The following ZNF440 variants were observed in gnomAD, a reference collection of about 807,000 sequenced individuals.
The protein encoded by ZNF440 is zinc finger protein 440.
In ZNF440, 47 loss-of-function variants were observed where a neutral mutation model predicts 49.7. The observed-to-expected ratio is 0.95, with a 90% CI of 0.75 to 1.21. The LOEUF is 1.21. ZNF440 is among the 50% of genes most tolerant of loss of function. The pLI, the probability that ZNF440 is intolerant of heterozygous loss-of-function variation, is 0.00. For missense variants in ZNF440, 703 were observed against 715.0 expected, an observed-to-expected ratio of 0.98 and a Z score of 0.19; for synonymous variants, 255 against 237.7, an observed-to-expected ratio of 1.07 and a Z score of -0.67.
intron 1 of ZNF440, among the ~76,000 whole-genome samples, chr19:11,823,941 A>C (rs978318104): frequency 1.3e-5 from 2 of 152,112 alleles, no homozygotes; most frequent in Non-Finnish European, 2.9e-5. Context: ...CAGCCTGGGC[A>C]ACAAGAGTGA....
At chr19:11,814,474 C>G in intron 1 of ZNF440, 24 bp downstream of exon 1, 1 of 1,511,160 alleles carries the variant, frequency 6.6e-7, no homozygotes, top group South Asian at 1.3e-5. Flanking sequence ...GGCTGGCGTC[C>G]GGGCGACTGG....
intron 1 of ZNF440, among the ~76,000 whole-genome samples, chr19:11,824,040 C>T (rs1449929868): frequency 1.3e-5 from 2 of 151,472 alleles, no homozygotes; most frequent in Non-Finnish European, 1.5e-5. Context: ...AAAATTACCT[C>T]GTCATTGTGA....
rs1975986312 is a variant in ZNF440, at chr19:11,833,936, C to G, written c.*972C>G. On this transcript the variant is annotated 3_prime_UTR_variant, in exon 4 of 4. Transcript: ENST00000304060. ...TAACTGTATACTAACAAATGATATT[C>G]TTTTTAAATAAGAAGCTATAATATC... 3.5e-6 allele frequency: 1 copy of G among 285,858 alleles called. No individual in the cohort carries two copies. The highest frequency in any genetic ancestry group is 6.8e-6 in the Non-Finnish European group (1 of 147,132). 17.7% of individuals were successfully genotyped at this position (285,858 alleles called of 1,614,324 possible).
intron 1 of ZNF440, among the ~76,000 whole-genome samples, chr19:11,823,671 T>C (rs1352363109): frequency 6.6e-6 from 1 of 151,978 alleles, no homozygotes; most frequent in Non-Finnish European, 1.5e-5. Context: ...TTAGTTTTAA[T>C]AGAAATTAGT....
intron 1 of ZNF440, among the ~76,000 whole-genome samples, chr19:11,822,460 A>T (rs535905604): frequency 6.6e-6 from 1 of 152,346 alleles, no homozygotes; most frequent in East Asian, 1.9e-4. Context: ...ATTCTCCTGT[A>T]GATAACCATT....
chr19:11,815,998 G>A (rs544483424), intron 1 of ZNF440: 1 of 152,504 alleles, frequency 6.6e-6, no homozygotes, highest in South Asian at 2.1e-4. Flanking sequence ...TTTATTAGGA[G>A]CCGAATAGGA....
Position 11,833,752 on chromosome 19 carries a change from A to C in ZNF440, c.*788A>C, listed in dbSNP as rs1896287969. ...GGAGAGAAGCCCTATGAATATAAGCAATGTGGGAAAGCCTTCAGATCAGCC... is the reference window on the plus strand; with the variant it reads ...GGAGAGAAGCCCTATGAATATAAGCCATGTGGGAAAGCCTTCAGATCAGCC... On this transcript the variant is annotated 3_prime_UTR_variant, in exon 4 of 4. Coordinates refer to ENST00000304060, the MANE Select transcript of ZNF440 (RefSeq NM_152357.3). 1 of 815,452 alleles carries C rather than the reference A, an allele frequency of 1.2e-6. No individual in the cohort carries two copies. Among genetic ancestry groups the C allele is most frequent in the Non-Finnish European group, 1.8e-6 (1 of 548,386 alleles). The allele number at this position is 815,452 out of a possible 1,614,324, so 50.5% of individuals were successfully genotyped here.
rs149926365 is a variant in ZNF440, at chr19:11,814,875, A to G, written c.3+425A>G. Reference sequence around the variant, plus strand: ...AAGAGCACAGCGAGCGGGGTAGGGCAGGGGTTTTTCTCCTTAACGCAGTTT... The same window carrying G: ...AAGAGCACAGCGAGCGGGGTAGGGCGGGGGTTTTTCTCCTTAACGCAGTTT... On this transcript the variant is annotated intron_variant, in intron 1 of 3. Transcript: ENST00000304060. Among the ~76,000 whole-genome samples the G allele has an allele frequency of 2.6e-4, 39 of 152,162 alleles. 1 individual carries two copies. The highest frequency in any genetic ancestry group is 7.2e-4 in the Admixed American group (11 of 15,294).
rs539671877 is a variant in ZNF440, at chr19:11,832,760, A to G, written c.1584A>G (p.Gln528=). ...SNVGKPSELC[Q]SFECMVGLTL... is the part of the protein sequence containing the mutation. ...TGGGAAAGCCTTCAGAGCTGTGTCA[A>G]TCCTTTGAATGCATGGTAGGACTCA... Residue 528 remains glutamine, a synonymous_variant, in exon 4 of 4, where the codon CAA becomes CAG. Coordinates refer to ENST00000304060, the MANE Select transcript of ZNF440 (RefSeq NM_152357.3). 12 of 1,612,178 alleles carry G rather than the reference A, an allele frequency of 7.4e-6. No individual in the cohort carries two copies. The highest frequency in any genetic ancestry group is 2.7e-5 in the African/African-American group (2 of 74,490).
chr19:11,831,460 A>G lies in ZNF440; in HGVS notation c.284A>G (p.Gln95Arg). The change falls in exon 4 of 4, where the codon CAG (glutamine) becomes CGG (arginine). Residue 95 changes from glutamine to arginine, a missense_variant. Coordinates refer to ENST00000304060, the MANE Select transcript of ZNF440 (RefSeq NM_152357.3). Reference protein sequence around the residue: ...TPVPDDRLNFQEKKASPEVKS... With the variant: ...TPVPDDRLNFREKKASPEVKS... The stretch of plus-strand genomic sequence containing the variant: ...GTTCCAGATGACAGACTGAACTTCC[A>G]GGAGAAGAAAGCTTCTCCTGAAGTA... 5 of 1,613,972 alleles carry G rather than the reference A, an allele frequency of 3.1e-6. No individual in the cohort carries two copies. Among genetic ancestry groups the G allele is most frequent in the Non-Finnish European group, 4.2e-6 (5 of 1,179,862 alleles).
rs1975976269 is a variant in ZNF440, at chr19:11,833,243, T to A, written c.*279T>A. 1 of 854,356 alleles carries A rather than the reference T, an allele frequency of 1.2e-6. No individual in the cohort carries two copies. The highest frequency in any genetic ancestry group is 2.6e-5 in the Admixed American group (1 of 37,780). 52.9% of individuals were successfully genotyped at this position (854,356 alleles called of 1,614,324 possible). A position where few individuals can be genotyped will look rare whatever the true frequency, so the allele number is the denominator to read the frequency against. Reference sequence around the variant, plus strand: ...ACACACTGGAGAGAAACCCTGTGAATGTAAGAAATGTAGAAAAGCATTCCA... The same window carrying A: ...ACACACTGGAGAGAAACCCTGTGAAAGTAAGAAATGTAGAAAAGCATTCCA... On this transcript the variant is annotated 3_prime_UTR_variant, in exon 4 of 4. Transcript: ENST00000304060.
intron 1 of ZNF440, among the ~76,000 whole-genome samples, chr19:11,826,104 C>T (rs1372082504): frequency 1.3e-5 from 2 of 152,184 alleles, no homozygotes; most frequent in Admixed American, 6.5e-5. Flanking sequence ...AGCCACCGCA[C>T]GCGGCCAGGG....
intron 1 of ZNF440, among the ~76,000 whole-genome samples, chr19:11,827,132 T>C (rs1305419578): frequency 4.0e-5 from 6 of 151,564 alleles, no homozygotes; most frequent in East Asian, 3.9e-4. Context: ...GGCGTAATCT[T>C]GGCTCACTGC....
intron 1 of ZNF440, among the ~76,000 whole-genome samples, chr19:11,819,622 A>C (rs1174582097): frequency 6.6e-6 from 1 of 151,786 alleles, no homozygotes; most frequent in Admixed American, 6.6e-5. Flanking sequence ...CTGGCCTCGA[A>C]CTCCTGGCCT....
At chr19:11,819,142 C>T (rs1351078838) in intron 1 of ZNF440, among the ~76,000 whole-genome samples, 3 of 151,970 alleles carry the variant, frequency 2.0e-5, no homozygotes, top group Non-Finnish European at 4.4e-5. Context: ...ACCCTCCCCC[C>T]CATCTCAATT....
chr19:11,825,836 A>T (rs1975858569), intron 1 of ZNF440, among the ~76,000 whole-genome samples: 1 of 124,620 alleles, frequency 8.0e-6, no homozygotes, highest in African/African-American at 3.4e-5. Flanking sequence ...TTTTTTTGAG[A>T]CAGAGTTTCA....
intron 1 of ZNF440, among the ~76,000 whole-genome samples, chr19:11,829,512 G>C (rs1975906961): frequency 6.6e-6 from 1 of 151,840 alleles, no homozygotes; most frequent in Non-Finnish European, 1.5e-5. Flanking sequence ...ACTTTGTTTT[G>C]CCTATGAATT....
intron 1 of ZNF440, 28 bp downstream of exon 1, chr19:11,814,478 C>G: frequency 6.6e-7 from 1 of 1,512,034 alleles, no homozygotes; most frequent in South Asian, 1.3e-5. Flanking sequence ...GGCGTCCGGG[C>G]GACTGGGAGA....
chr19:11,832,420 G>A lies in ZNF440; in HGVS notation c.1244G>A (p.Gly415Asp). The change falls in exon 4 of 4, where the codon GGT becomes GAT. Residue 415 changes from glycine to aspartate, a missense_variant. Physicochemically the swap from Gly to Asp is moderately conservative, Grantham distance 94 (BLOSUM62 -1). Coordinates refer to ENST00000304060, the MANE Select transcript of ZNF440 (RefSeq NM_152357.3). ...FRSASHLRVH[G>D]RTHTGEKPYE... ...TCTGCCTCACACCTTCGAGTGCATG[G>A]TAGGACTCACACTGGAGAGAAACCG... The A allele has an allele frequency of 6.2e-7, 1 of 1,612,438 alleles. No homozygotes were observed. The highest frequency in any genetic ancestry group is 8.5e-7 in the Non-Finnish European group (1 of 1,179,450).
Sources: gnomAD v4.1 joint callset for allele counts (sites outside exome capture counted in the v4.1 genomes callset) on GRCh38, gnomAD v4.1.1 for gene constraint, MANE v1.5 for transcripts, NCBI Gene and HGNC (gene_info 2026-07-23, HGNC 2026-07-21) for gene names.